The following ZFPM2 variants were observed in gnomAD, a reference collection of about 807,000 sequenced individuals.
The protein encoded by ZFPM2 is zinc finger protein, FOG family member 2, also known as zinc finger protein ZFPM2.
ZFPM2 carries 20 observed loss-of-function variants against 98.6 expected under a neutral mutation model. That is an observed-to-expected ratio of 0.20 (90% CI 0.14 to 0.29). The LOEUF (loss-of-function observed/expected upper bound fraction) is 0.29, where lower values mean the gene tolerates loss of function less well. Among genes scored for constraint, ZFPM2 ranks in the 10% least tolerant of loss-of-function variants. ZFPM2 has a pLI of 1.00. For synonymous variants in ZFPM2, 518 were observed against 502.7 expected, an observed-to-expected ratio of 1.03 and a Z score of -0.41; for missense variants, 1,310 against 1,388.6, an observed-to-expected ratio of 0.94 and a Z score of 0.90.
chr8:105,749,381 T>A (rs1222259236), intron 5 of ZFPM2, among the ~76,000 whole-genome samples: 1 of 152,084 alleles, frequency 6.6e-6, no homozygotes, highest in Non-Finnish European at 1.5e-5. Context: ...AATAGTAAGT[T>A]TAATAAATAG....
At chr8:105,767,841 A>G (rs1425584533) in intron 5 of ZFPM2, among the ~76,000 whole-genome samples, 1 of 151,926 alleles carries the variant, frequency 6.6e-6, no homozygotes, top group Non-Finnish European at 1.5e-5. Context: ...AAATCATTCA[A>G]GGGTTTCCAT....
intron 3 of ZFPM2, among the ~76,000 whole-genome samples, chr8:105,480,456 G>C (rs1586403117): frequency 6.6e-6 from 1 of 152,150 alleles, no homozygotes; most frequent in East Asian, 1.9e-4. Flanking sequence ...TAGAGTCCAG[G>C]TGCATGTGCT....
In ZFPM2 at chr8:105,670,793, A is replaced by C. The variant is rs1817580523; in HGVS notation, c.532+36436A>C. Among the ~76,000 whole-genome samples, 2 of 152,232 alleles carry C rather than the reference A, an allele frequency of 1.3e-5. 1 individual carries two copies. The highest frequency in any genetic ancestry group is 4.1e-4 in the South Asian group (2 of 4,834). ...GAATTAAGAAAAACCGGACCCATAG[A>C]GACTACCTTTAAAACCCTTTGTATT... On this transcript the variant is annotated intron_variant, in intron 5 of 7. Coordinates refer to ENST00000407775, the MANE Select transcript of ZFPM2 (RefSeq NM_012082.4).
At chr8:105,584,201 A>G (rs1457156409) in intron 4 of ZFPM2, among the ~76,000 whole-genome samples, 1 of 152,162 alleles carries the variant, frequency 6.6e-6, no homozygotes, top group Non-Finnish European at 1.5e-5. Flanking sequence ...CTGCAAAAAA[A>G]TAACATAATT....
chr8:105,419,775 G>A (rs1272940937), intron 2 of ZFPM2, among the ~76,000 whole-genome samples: 2 of 152,052 alleles, frequency 1.3e-5, no homozygotes, highest in African/African-American at 4.8e-5. Context: ...GGATGGTGCT[G>A]TGGGGATATT....
chr8:105,670,629 G>A (rs539521483), intron 5 of ZFPM2, among the ~76,000 whole-genome samples: 2 of 151,114 alleles, frequency 1.3e-5, no homozygotes, highest in Admixed American at 1.3e-4. Context: ...CCTCTACCCT[G>A]TACATTTTAT....
At chr8:105,380,588 C>T (rs1481231144) in intron 1 of ZFPM2, among the ~76,000 whole-genome samples, 2 of 69,278 alleles carry the variant, frequency 2.9e-5, no homozygotes, top group African/African-American at 1.2e-4. Context: ...TATTTTCTAT[C>T]GGTATATATA....
intron 3 of ZFPM2, among the ~76,000 whole-genome samples, chr8:105,462,007 CCT>C (rs1812712467): frequency 6.6e-6 from 1 of 152,062 alleles, no homozygotes; most frequent in African/African-American, 2.4e-5. Context: ...GATTCCCCTA[CCT>C]AATTGGAGTT....
intron 3 of ZFPM2, among the ~76,000 whole-genome samples, chr8:105,510,843 A>T (rs937153647): frequency 6.6e-6 from 1 of 152,230 alleles, no homozygotes; most frequent in Non-Finnish European, 1.5e-5. Flanking sequence ...AATGCTCATC[A>T]CTTCATATTC....
chr8:105,637,961 G>A (rs1355870486), intron 5 of ZFPM2, among the ~76,000 whole-genome samples: 1 of 152,046 alleles, frequency 6.6e-6, no homozygotes, highest in African/African-American at 2.4e-5. Context: ...AAAATTGTGT[G>A]TGTGTGTGTG....
chr8:105,651,658 G>C (rs1298907541), intron 5 of ZFPM2, among the ~76,000 whole-genome samples: 1 of 152,088 alleles, frequency 6.6e-6, no homozygotes, highest in Non-Finnish European at 1.5e-5. Context: ...CCAGCCCAGG[G>C]TGGGTATTCT....
chr8:105,485,542 T>C (rs1251369940), intron 3 of ZFPM2, among the ~76,000 whole-genome samples: 1 of 152,072 alleles, frequency 6.6e-6, no homozygotes, highest in African/African-American at 2.4e-5. Context: ...AGAAATATTG[T>C]CATTGTAGCC....
chr8:105,533,971 T>C (rs1284305419), intron 3 of ZFPM2, among the ~76,000 whole-genome samples: 1 of 16,402 alleles, frequency 6.1e-5, no homozygotes, highest in Non-Finnish European at 1.0e-4. Flanking sequence ...TCCCTCCCTC[T>C]CCTCCCTCCC....
chr8:105,394,720 C>A (rs774473750), intron 1 of ZFPM2, among the ~76,000 whole-genome samples: 13 of 152,228 alleles, frequency 8.5e-5, no homozygotes, highest in Non-Finnish European at 1.5e-4. Context: ...CTTGGCACAG[C>A]TCCTTGTCTC....
At chr8:105,746,315 C>T (rs780684987) in intron 5 of ZFPM2, among the ~76,000 whole-genome samples, 1 of 151,782 alleles carries the variant, frequency 6.6e-6, no homozygotes, top group South Asian at 2.1e-4. Flanking sequence ...AGAAAGATAA[C>T]GATTCCCAGT....
chr8:105,650,129 A>T (rs1817139924), intron 5 of ZFPM2, among the ~76,000 whole-genome samples: 1 of 152,074 alleles, frequency 6.6e-6, no homozygotes, highest in Non-Finnish European at 1.5e-5. Context: ...CGAGGAATTT[A>T]TCCATTTCTT....
chr8:105,647,531 C>A (rs1368494390), intron 5 of ZFPM2, among the ~76,000 whole-genome samples: 2 of 149,598 alleles, frequency 1.3e-5, no homozygotes, highest in African/African-American at 2.5e-5. Context: ...TCCCGCCCCC[C>A]CCCACCCCAC....
chr8:105,635,695 C>T (rs1221553240), intron 5 of ZFPM2, among the ~76,000 whole-genome samples: 3 of 152,108 alleles, frequency 2.0e-5, no homozygotes, highest in Non-Finnish European at 4.4e-5. Context: ...CAAAAGATAC[C>T]TTGGAATGTA....
intron 3 of ZFPM2, among the ~76,000 whole-genome samples, chr8:105,525,924 A>G (rs928193107): frequency 2.6e-5 from 4 of 152,178 alleles, no homozygotes; most frequent in African/African-American, 9.7e-5. Flanking sequence ...TAAATAATAC[A>G]TGGACATATT....
Sources: allele counts gnomAD v4.1 joint callset (sites outside exome capture counted in the v4.1 genomes callset), GRCh38; gene constraint gnomAD v4.1.1; transcripts MANE v1.5; gene names NCBI Gene and HGNC (gene_info 2026-07-23, HGNC 2026-07-21).